Variants in SSC4D observed in about 807,000 individuals in gnomAD.
SSC4D encodes the protein scavenger receptor cysteine rich family member with 4 domains.
SSC4D carries 57 observed loss-of-function variants against 63.4 expected under a neutral mutation model. That is an observed-to-expected ratio of 0.90 (90% confidence interval 0.73 to 1.12). The LOEUF is 1.12. SSC4D is among the 50% of genes most tolerant of loss of function. The pLI is 0.00. For synonymous variants in SSC4D, 352 were observed against 345.4 expected (o/e 1.02, Z -0.21); for missense variants, 791 against 806.4 (o/e 0.98, Z 0.23).
intron 7 of SSC4D, 61 bp from the exon 8 acceptor site, chr7:76,393,965 A>G: frequency 2.0e-6 from 3 of 1,516,090 alleles, no homozygotes; most frequent in South Asian, 1.2e-5. Context: ...GTCCTGCAGC[A>G]GGGCACGGGG....
At chr7:76,401,324 AC>A (rs1468270582) in intron 2 of SSC4D, among the ~76,000 whole-genome samples, 1 of 151,918 alleles carries the variant, frequency 6.6e-6, no homozygotes, top group Non-Finnish European at 1.5e-5. Flanking sequence ...TCCCATAATG[AC>A]CCCTGTTACC....
rs774635093 is a variant in SSC4D at position 76,404,298 on chromosome 7, A to C, written c.133+9T>G. On this transcript the variant is annotated intron_variant, in intron 2 of 10. Coordinates refer to ENST00000275560, the MANE Select transcript of SSC4D (RefSeq NM_080744.2). ...AGGAAGTGGCAAGGGCTAACAGGGG[A>C]GGACTCACCCAGTGGCAGGAGGAGA... 6.3e-7 allele frequency: 1 copy of C among 1,585,276 alleles called. No homozygotes were observed. Among genetic ancestry groups the C allele is most frequent in the Non-Finnish European group, 8.6e-7 (1 of 1,165,998 alleles).
At chr7:76,406,297 A>G (rs1282631563) in intron 1 of SSC4D, among the ~76,000 whole-genome samples, 1 of 152,082 alleles carries the variant, frequency 6.6e-6, no homozygotes, top group Non-Finnish European at 1.5e-5. Context: ...GAAATATAGT[A>G]TTGGTGCCAC....
Position 76,393,369 on chromosome 7 carries a change from C to T in SSC4D, c.1333+36G>A, listed in dbSNP as rs750455062. 4.5e-6 allele frequency: 6 copies of T among 1,334,998 alleles called. No individual in the cohort carries two copies. In the African/African-American group the frequency reaches 4.6e-5, roughly 10 times the overall value. 82.7% of individuals were successfully genotyped at this position (1,334,998 alleles called of 1,614,324 possible). ...GCCCCTCCCACGCCGCAGTGCGCGG[C>T]CCCGCTGTCAGCCTCACCTTCGCTG... On this transcript the variant is annotated intron_variant, in intron 9 of 10. Coordinates refer to ENST00000275560, the MANE Select transcript of SSC4D (RefSeq NM_080744.2).
chr7:76,398,273 A>G (rs1804704045), intron 5 of SSC4D, among the ~76,000 whole-genome samples: 1 of 149,948 alleles, frequency 6.7e-6, no homozygotes, highest in Admixed American at 6.6e-5. Context: ...CCTTCCTGTG[A>G]GATTAAGCTC....
intron 7 of SSC4D, among the ~76,000 whole-genome samples, chr7:76,394,937 T>C (rs1185191494): frequency 6.6e-6 from 1 of 150,510 alleles, no homozygotes; most frequent in Non-Finnish European, 1.5e-5. Flanking sequence ...TTAACTGACC[T>C]CAACAGATCC....
chr7:76,394,769 A>G (rs1804593585), intron 7 of SSC4D, among the ~76,000 whole-genome samples: 1 of 138,694 alleles, frequency 7.2e-6, no homozygotes, highest in East Asian at 2.0e-4. Context: ...ATATATATAT[A>G]AAATATGTAT....
Position 76,390,126 on chromosome 7 carries a change from T to C in SSC4D, c.1661A>G (p.His554Arg), listed in dbSNP as rs1191957118. 3 of 1,614,036 alleles carry C rather than the reference T, an allele frequency of 1.9e-6. No homozygotes were observed. The highest frequency in any genetic ancestry group is 1.1e-5 in the South Asian group (1 of 91,084). ...GEESALLLCS[H>R]IRWDAHNCDH... ...ACAGTTGTGGGCATCCCAGCGGATA[T>C]GAGAGCAGAGCAGCAGAGCACTTTC... Residue 554 changes from histidine (H) to arginine (R), a missense_variant, in exon 11 of 11, where the codon CAT becomes CGT. Transcript: ENST00000275560.
At chr7:76,403,819 G>C (rs11762170) in intron 2 of SSC4D, among the ~76,000 whole-genome samples, 27,641 of 151,522 alleles carry the variant, frequency 0.18, 2,751 homozygotes, top group South Asian at 0.25. Flanking sequence ...GTGCTGCCAA[G>C]CCTGGTTAAT....
At chr7:76,399,105 T>G (rs976774770) in intron 4 of SSC4D, among the ~76,000 whole-genome samples, 7 of 151,914 alleles carry the variant, frequency 4.6e-5, no homozygotes, top group African/African-American at 1.7e-4. Flanking sequence ...TCCGCCTCCC[T>G]GGTTAAAGCA....
intron 10 of SSC4D, among the ~76,000 whole-genome samples, chr7:76,391,201 AG>A (rs1804487856): frequency 6.6e-6 from 1 of 152,124 alleles, no homozygotes; most frequent in Admixed American, 6.5e-5. Flanking sequence ...TGGGAAGCCA[AG>A]GCTGGTGGAT....
chr7:76,403,449 T>C (rs1388895307), intron 2 of SSC4D, among the ~76,000 whole-genome samples: 2 of 151,520 alleles, frequency 1.3e-5, no homozygotes, highest in Non-Finnish European at 2.9e-5. Context: ...ACAATTCTCC[T>C]GCCTCAGCCT....
chr7:76,397,984 G>T (rs1298233246), intron 5 of SSC4D, 152 bp from the exon 6 acceptor site: 2 of 795,038 alleles, frequency 2.5e-6, no homozygotes, highest in Non-Finnish European at 3.8e-6. Flanking sequence ...CAGACTGGGG[G>T]TAGCTTGTGG....
rs750697733 is a variant in SSC4D at position 76,397,708 on chromosome 7, G to A, written c.678C>T (p.Val226=). 27 of 1,613,330 alleles carry A rather than the reference G, an allele frequency of 1.7e-5. 1 individual carries two copies. In the South Asian group the frequency reaches 2.7e-4, roughly 16 times the overall value. The change falls in exon 6 of 11, where the codon GTC becomes GTT. Residue 226 remains valine, a synonymous_variant. Transcript: ENST00000275560. ...DDWGLPDAAV[V]CRQLGCGAAM... is the part of the protein sequence containing the mutation. The stretch of plus-strand genomic sequence containing the variant: ...CCGCCCCGCAGCCCAGCTGACGACA[G>A]ACCACAGCGGCATCCGGCAGCCCCC...
In SSC4D at chr7:76,392,572, C is replaced by T. The variant is rs117774141; in HGVS notation, c.1334-531G>A. On this transcript the variant is annotated intron_variant, in intron 9 of 10. Transcript: ENST00000275560. ...AAAAAAAGTCATGGTGAGAGGATCGCTTGAAGCCAGGAGTTCGAGAGTAGC... is the reference window on the plus strand; with the variant it reads ...AAAAAAAGTCATGGTGAGAGGATCGTTTGAAGCCAGGAGTTCGAGAGTAGC... 3.2e-3 allele frequency among the ~76,000 whole-genome samples: 482 copies of T among 151,316 alleles called. 1 individual carries two copies. Among genetic ancestry groups the T allele is most frequent in the East Asian group, 0.011 (56 of 5,152 alleles).
intron 2 of SSC4D, among the ~76,000 whole-genome samples, chr7:76,401,650 C>G (rs1205843961): frequency 1.3e-5 from 2 of 152,198 alleles, no homozygotes; most frequent in Non-Finnish European, 2.9e-5. Context: ...CTCCTGACCT[C>G]AGGTAATCCA....
chr7:76,396,451 G>A (rs796989654), intron 6 of SSC4D, among the ~76,000 whole-genome samples: 14 of 152,326 alleles, frequency 9.2e-5, no homozygotes, highest in African/African-American at 3.4e-4. Context: ...CTGCCTCTCA[G>A]CTGCTACTCT....
At chr7:76,391,440 C>G (rs1287232355) in intron 10 of SSC4D, among the ~76,000 whole-genome samples, 1 of 152,056 alleles carries the variant, frequency 6.6e-6, no homozygotes, top group Non-Finnish European at 1.5e-5. Flanking sequence ...AATAAAATAA[C>G]AAATAAATAA....
chr7:76,400,641 A>T, intron 3 of SSC4D, 50 bp from the exon 4 acceptor site: 1 of 1,413,120 alleles, frequency 7.1e-7, no homozygotes, highest in Non-Finnish European at 9.3e-7. Context: ...TCCAACCTCC[A>T]GCATGCCCAC....
Sources: gnomAD v4.1 joint callset for allele counts (sites outside exome capture counted in the v4.1 genomes callset) on GRCh38, gnomAD v4.1.1 for gene constraint, MANE v1.5 for transcripts, NCBI Gene and HGNC (gene_info 2026-07-23, HGNC 2026-07-21) for gene names.